Variants in OSBPL1A observed in about 807,000 individuals in gnomAD.
The protein encoded by OSBPL1A is oxysterol binding protein like 1A, also known as oxysterol-binding protein-related protein 1.
In OSBPL1A, 80 loss-of-function variants were observed where a neutral mutation model predicts 137.1. The observed-to-expected ratio is 0.58, with a 90% CI of 0.49 to 0.70. The LOEUF (loss-of-function observed/expected upper bound fraction) is 0.70, where lower values mean the gene tolerates loss of function less well. Among genes scored for constraint, OSBPL1A ranks in the 30% least tolerant of loss-of-function variants. OSBPL1A has a pLI of 0.00. For synonymous variants in OSBPL1A, 365 were observed against 389.7 expected (o/e 0.94, Z 0.75); for missense variants, 970 against 1,129.4 (o/e 0.86, Z 2.02).
chr18:24,219,649 C>T (rs1487665866), intron 17 of OSBPL1A, among the ~76,000 whole-genome samples: 2 of 152,038 alleles, frequency 1.3e-5, no homozygotes, highest in East Asian at 1.9e-4. Flanking sequence ...GTATGTCTCA[C>T]CATCATTTGC....
At chr18:24,284,891 C>T (rs2090038490) in intron 14 of OSBPL1A, among the ~76,000 whole-genome samples, 2 of 152,206 alleles carry the variant, frequency 1.3e-5, no homozygotes, top group African/African-American at 4.8e-5. Context: ...CATCCTCCCC[C>T]AGGAAGCCTT....
chr18:24,354,985 G>A (rs1403824758), intron 4 of OSBPL1A, among the ~76,000 whole-genome samples: 1 of 151,814 alleles, frequency 6.6e-6, no homozygotes, highest in Non-Finnish European at 1.5e-5. Context: ...ACTGCCTTGG[G>A]GTCCAATCAC....
intron 18 of OSBPL1A, among the ~76,000 whole-genome samples, chr18:24,187,981 C>T (rs997385100): frequency 5.9e-5 from 9 of 152,186 alleles, no homozygotes; most frequent in African/African-American, 9.7e-5. Context: ...CTTTATTGTA[C>T]ACAACAGCAG....
At chr18:24,325,034 C>T (rs906662244) in intron 7 of OSBPL1A, among the ~76,000 whole-genome samples, 6 of 151,614 alleles carry the variant, frequency 4.0e-5, no homozygotes, top group African/African-American at 9.7e-5. Flanking sequence ...TGCAATGAGC[C>T]GAGATTGCGC....
intron 15 of OSBPL1A, among the ~76,000 whole-genome samples, chr18:24,246,738 C>T (rs1024607906): frequency 2.0e-5 from 3 of 148,352 alleles, no homozygotes; most frequent in Non-Finnish European, 4.4e-5. Flanking sequence ...TTGCAGTGAG[C>T]CAAGATGGCA....
intron 17 of OSBPL1A, among the ~76,000 whole-genome samples, chr18:24,199,860 C>T (rs1395317367): frequency 1.3e-5 from 2 of 152,160 alleles, no homozygotes; most frequent in Admixed American, 1.3e-4. Flanking sequence ...ACCAAGGATG[C>T]TGCTAAACAT....
chr18:24,239,304 G>T lies in OSBPL1A; in HGVS notation c.1360C>A (p.His454Asn). 6.2e-7 allele frequency: 1 copy of T among 1,614,100 alleles called. No individual in the cohort carries two copies. The change falls in exon 16 of 28, where the codon CAT (histidine) becomes AAT (asparagine). Residue 454 changes from histidine (H) to asparagine (N), a missense_variant. Physicochemically the swap from His to Asn is moderately conservative, Grantham distance 68. Around this residue, in one of 2 missense-constraint regions of OSBPL1A, gnomAD observed 647 missense variants for 672.6 expected, o/e 0.96. Coordinates refer to ENST00000319481, the MANE Select transcript of OSBPL1A (RefSeq NM_080597.4). ...SEALETLATE[H>N]HELEQSLVKG... is the part of the protein sequence containing the mutation. The stretch of plus-strand genomic sequence containing the variant: ...ACCAGAGACTGCTCTAATTCATGAT[G>T]TTCAGTGGCCAGCGTCTCCAGTGCT...
chr18:24,194,149 T>A (rs957250105), intron 18 of OSBPL1A, among the ~76,000 whole-genome samples: 2 of 152,218 alleles, frequency 1.3e-5, no homozygotes, highest in African/African-American at 4.8e-5. Flanking sequence ...GAAAACTGTA[T>A]ATTCTAAAGT....
intron 15 of OSBPL1A, among the ~76,000 whole-genome samples, chr18:24,245,596 C>A (rs1288785806): frequency 1.3e-5 from 2 of 152,120 alleles, no homozygotes; most frequent in African/African-American, 4.8e-5. Context: ...CATGTGGATG[C>A]AAATGGTCAA....
chr18:24,192,982 G>A (rs1298705791), intron 18 of OSBPL1A, among the ~76,000 whole-genome samples: 3 of 152,132 alleles, frequency 2.0e-5, no homozygotes, highest in Non-Finnish European at 2.9e-5. Flanking sequence ...GTCCTGGCAC[G>A]CTCCTCACAA....
chr18:24,266,545 A>C (rs965288624), intron 15 of OSBPL1A, among the ~76,000 whole-genome samples: 3 of 152,160 alleles, frequency 2.0e-5, no homozygotes, highest in African/African-American at 7.2e-5. Context: ...TGAAGGAAAA[A>C]GAGGAAGAAG....
intron 4 of OSBPL1A, chr18:24,366,608 T>A (rs656487): frequency 0.61 from 149,592 of 246,496 alleles, 45,502 homozygotes; most frequent in African/African-American, 0.74. Flanking sequence ...ATTTTTTTTT[T>A]AAAAAAAAGA....
chr18:24,335,779 T>C (rs2091165141), intron 5 of OSBPL1A, among the ~76,000 whole-genome samples: 1 of 152,248 alleles, frequency 6.6e-6, no homozygotes, highest in African/African-American at 2.4e-5. Context: ...TGTTTAAGAC[T>C]CTACACGTAC....
At chr18:24,281,536 C>G (rs769857037) in intron 14 of OSBPL1A, among the ~76,000 whole-genome samples, 11 of 151,762 alleles carry the variant, frequency 7.2e-5, no homozygotes, top group Non-Finnish European at 1.3e-4. Flanking sequence ...TACAGGCACA[C>G]GCTATCATGC....
chr18:24,325,362 C>G (rs892710554), intron 7 of OSBPL1A, among the ~76,000 whole-genome samples: 3 of 152,220 alleles, frequency 2.0e-5, no homozygotes, highest in Non-Finnish European at 2.9e-5. Context: ...TCTTCTCCAG[C>G]TCGCCCTGCT....
At chr18:24,216,432 G>A (rs2087703101) in intron 17 of OSBPL1A, among the ~76,000 whole-genome samples, 2 of 152,198 alleles carry the variant, frequency 1.3e-5, no homozygotes, top group South Asian at 2.1e-4. Flanking sequence ...GCTTGAACCC[G>A]GGAGGCAGGG....
chr18:24,311,403 T>TA (rs1322674455), intron 13 of OSBPL1A: 20 of 905,558 alleles, frequency 2.2e-5, no homozygotes, highest in Non-Finnish European at 2.5e-5. Flanking sequence ...AAATAAAAGG[T>TA]ACAGCCAGAA....
chr18:24,244,379 A>T (rs961500208), intron 15 of OSBPL1A, among the ~76,000 whole-genome samples: 1 of 152,252 alleles, frequency 6.6e-6, no homozygotes, highest in Non-Finnish European at 1.5e-5. Context: ...TTATTAGATT[A>T]TAATTGTATA....
chr18:24,361,552 G>T (rs1378605366), intron 4 of OSBPL1A, among the ~76,000 whole-genome samples: 2 of 152,152 alleles, frequency 1.3e-5, no homozygotes, highest in African/African-American at 4.8e-5. Context: ...GAAAATAGCA[G>T]AAATGGCCAA....
Sources: allele counts gnomAD v4.1 joint callset (sites outside exome capture counted in the v4.1 genomes callset), GRCh38; gene constraint gnomAD v4.1.1; regional missense constraint gnomAD v4.1.1; transcripts MANE v1.5; gene names NCBI Gene and HGNC (gene_info 2026-07-23, HGNC 2026-07-21).